The following SLC15A2 variants were observed in gnomAD, a reference collection of about 807,000 sequenced individuals.
The protein encoded by SLC15A2 is kidney H(+)/peptide cotransporter.
A neutral mutation model predicts 95.5 loss-of-function variants in SLC15A2; 77 were observed. The observed-to-expected ratio is 0.81, with a 90% confidence interval of 0.67 to 0.97. SLC15A2 has a LOEUF of 0.97. Ranked by LOEUF, SLC15A2 falls within the 50% of genes least tolerant of loss-of-function variation. The probability of loss-of-function intolerance (pLI) is 0.00; values close to 1 mark genes in which losing one functional copy is unlikely to be tolerated. For synonymous variants in SLC15A2, 306 were observed against 306.9 expected (o/e 1.00, Z 0.03); for missense variants, 893 against 874.4 (o/e 1.02, Z -0.27).
rs2293610 is a variant in SLC15A2, at chr3:121,925,113, A to G, written c.1124+80A>G. The stretch of plus-strand genomic sequence containing the variant: ...AGTTTGAAAAAGATTCAATGTCAGT[A>G]TTTTTCTTAGTGAGGATTGGTTTTA... On this transcript the variant is annotated intron_variant, in intron 13 of 21. Transcript: ENST00000489711. 8.7e-4 allele frequency: 869 copies of G among 996,026 alleles called. 8 individuals carry two copies. In the East Asian group the frequency reaches 0.016, roughly 19 times the overall value. The allele number at this position is 996,026 out of a possible 1,614,324, so 61.7% of individuals were successfully genotyped here.
intron 3 of SLC15A2, among the ~76,000 whole-genome samples, chr3:121,901,643 C>T (rs942992590): frequency 2.0e-5 from 3 of 151,356 alleles, no homozygotes; most frequent in African/African-American, 7.3e-5. Flanking sequence ...ATGATAACAG[C>T]AACAAAAGGG....
chr3:121,915,601 T>A lies in SLC15A2; in HGVS notation c.620-15T>A. 6.2e-7 allele frequency: 1 copy of A among 1,601,280 alleles called. No homozygotes were observed. Among genetic ancestry groups the A allele is most frequent in the East Asian group, 2.2e-5 (1 of 44,816 alleles). On this transcript the variant is annotated splice_polypyrimidine_tract_variant and intron_variant, in intron 6 of 21. Transcript: ENST00000489711. ...ACTCAGAGTTACTTTCCTCCTCCCATCCCATTTTCTTTAGGAGATGTGCAA... is the reference window on the plus strand; with the variant it reads ...ACTCAGAGTTACTTTCCTCCTCCCAACCCATTTTCTTTAGGAGATGTGCAA...
chr3:121,924,642 A>G (rs1710076692), intron 12 of SLC15A2, among the ~76,000 whole-genome samples: 1 of 152,208 alleles, frequency 6.6e-6, no homozygotes, highest in South Asian at 2.1e-4. Context: ...ATCTTGTAAA[A>G]GAAATTGTAA....
At chr3:121,930,408 T>C (rs1444167455) in intron 17 of SLC15A2, among the ~76,000 whole-genome samples, 1 of 152,218 alleles carries the variant, frequency 6.6e-6, no homozygotes, top group African/African-American at 2.4e-5. Context: ...GGATAAGATA[T>C]CAGTTTTATG....
chr3:121,930,843 T>G lies in SLC15A2; in HGVS notation c.1557T>G (p.Phe519Leu). 6.3e-7 allele frequency: 1 copy of G among 1,598,864 alleles called. No individual in the cohort carries two copies. Among genetic ancestry groups the G allele is most frequent in the Non-Finnish European group, 8.6e-7 (1 of 1,166,280 alleles). Residue 519 changes from phenylalanine (F) to leucine (L), a missense_variant, in exon 18 of 22, where the codon TTT becomes TTG. Coordinates refer to ENST00000489711, the MANE Select transcript of SLC15A2 (RefSeq NM_021082.4). The part of the protein sequence containing the change: ...RTTNGMTTVR[F>L]VNTLHKDVNI... ...TAAATAATATCTCTACCCTCAGGTTTGTTAACACTTTGCATAAAGATGTCA... is the reference window on the plus strand; with the variant it reads ...TAAATAATATCTCTACCCTCAGGTTGGTTAACACTTTGCATAAAGATGTCA...
Position 121,928,129 on chromosome 3 carries a change from C to G in SLC15A2, c.1206+290C>G, listed in dbSNP as rs3762822. On this transcript the variant is annotated intron_variant, in intron 14 of 21. Coordinates refer to ENST00000489711, the MANE Select transcript of SLC15A2 (RefSeq NM_021082.4). ...CACAGGCTTATGTGATGCCTTTCTA[C>G]ATACTCAAGTAAAAACCTTTTGGCA... Among the ~76,000 whole-genome samples, 67,870 of 152,078 alleles carry G rather than the reference C, an allele frequency of 0.45. 15,693 individuals are homozygous for G. The highest frequency in any genetic ancestry group is 0.69 in the East Asian group (3,597 of 5,186).
At chr3:121,920,362 C>G (rs1313013432) in intron 7 of SLC15A2, among the ~76,000 whole-genome samples, 1 of 152,258 alleles carries the variant, frequency 6.6e-6, no homozygotes, top group East Asian at 1.9e-4. Flanking sequence ...GTGGCGCAAT[C>G]TCAGCTCACT....
intron 5 of SLC15A2, among the ~76,000 whole-genome samples, chr3:121,914,685 G>A (rs551616641): frequency 1.3e-5 from 2 of 152,028 alleles, no homozygotes; most frequent in South Asian, 4.2e-4. Context: ...GGTGATTACA[G>A]AAATGAGTAA....
chr3:121,919,589 G>A (rs1175593669), intron 7 of SLC15A2, among the ~76,000 whole-genome samples: 2 of 152,094 alleles, frequency 1.3e-5, no homozygotes, highest in Non-Finnish European at 2.9e-5. Flanking sequence ...AGGATAAGAC[G>A]GAGATAGAAG....
At chr3:121,934,925 T>C (rs1710308509) in intron 19 of SLC15A2, among the ~76,000 whole-genome samples, 1 of 152,016 alleles carries the variant, frequency 6.6e-6, no homozygotes, top group Non-Finnish European at 1.5e-5. Context: ...CTTATTATTT[T>C]GAAATACATC....
rs1181572979 is a variant in SLC15A2 at position 121,923,246 on chromosome 3, A to G, written c.982A>G (p.Ile328Val). The G allele has an allele frequency of 6.2e-7, 1 of 1,613,900 alleles. No individual in the cohort carries two copies. Among genetic ancestry groups the G allele is most frequent in the Non-Finnish European group, 8.5e-7 (1 of 1,179,882 alleles). Residue 328 changes from isoleucine to valine, a missense_variant, in exon 11 of 22, where the codon ATC becomes GTC. Transcript: ENST00000489711. ...GGGTTCACGATGGACTTTGCAAGCC[A>G]TCAGGATGAATAGGAATTTGGTGAG... ...QQGSRWTLQA[I>V]RMNRNLGFFV...
intron 19 of SLC15A2, among the ~76,000 whole-genome samples, chr3:121,934,689 T>C (rs983443618): frequency 6.6e-5 from 10 of 152,228 alleles, no homozygotes; most frequent in African/African-American, 2.4e-4. Flanking sequence ...TTTCTAGATA[T>C]ACAATCATGT....
intron 14 of SLC15A2, chr3:121,928,205 C>T (rs562857311): frequency 2.4e-5 from 14 of 583,926 alleles, no homozygotes; most frequent in African/African-American, 3.7e-5. Context: ...CAAAAAGCAT[C>T]GAGTTTGTAA....
In SLC15A2 at chr3:121,894,540, G is replaced by T; in HGVS notation, c.64G>T (p.Val22Leu). ...TLFSPVSIEE[V>L]PPRPPSPPKK... ...TTTTTCACCTGTCTCCATTGAAGAG[G>T]TACCACCTCGACCACCTAGCCCTCC... Residue 22 changes from valine to leucine, a missense_variant, in exon 1 of 22, where the codon GTA becomes TTA. Transcript: ENST00000489711. 6.2e-7 allele frequency: 1 copy of T among 1,613,916 alleles called. No homozygotes were observed. The highest frequency in any genetic ancestry group is 1.1e-5 in the South Asian group (1 of 91,054).
chr3:121,921,840 A>C (rs1710010999), intron 7 of SLC15A2, among the ~76,000 whole-genome samples: 1 of 152,244 alleles, frequency 6.6e-6, no homozygotes, highest in African/African-American at 2.4e-5. Flanking sequence ...AAAGAGGACC[A>C]ATAAAACTTG....
At chr3:121,895,009 T>C (rs1182636475) in intron 1 of SLC15A2, among the ~76,000 whole-genome samples, 2 of 152,230 alleles carry the variant, frequency 1.3e-5, no homozygotes, top group South Asian at 2.1e-4. Context: ...ATCCAATTTC[T>C]GTTACTATGT....
intron 1 of SLC15A2, among the ~76,000 whole-genome samples, 190 bp from the exon 2 acceptor site, chr3:121,896,216 A>G (rs981760405): frequency 6.6e-6 from 1 of 152,250 alleles, no homozygotes; most frequent in Non-Finnish European, 1.5e-5. Flanking sequence ...AGTAGCTTCT[A>G]TTATTTCTAA....
Position 121,943,005 on chromosome 3 carries a change from C to T in SLC15A2, c.*1998C>T, listed in dbSNP as rs560519467. 6.6e-6 allele frequency: 1 copy of T among 152,284 alleles called. No homozygotes were observed. Among genetic ancestry groups the T allele is most frequent in the African/African-American group, 2.4e-5 (1 of 41,542 alleles). 9.4% of individuals were successfully genotyped at this position (152,284 alleles called of 1,614,324 possible). A position where few individuals can be genotyped will look rare whatever the true frequency, so the allele number is the denominator to read the frequency against. On this transcript the variant is annotated 3_prime_UTR_variant, in exon 22 of 22. Coordinates refer to ENST00000489711, the MANE Select transcript of SLC15A2 (RefSeq NM_021082.4). ...AGCCGGCCAGGCACAGTGGCTCATGCCTGTAATCCCAGCACTTTGGGAGGC... is the reference window on the plus strand; with the variant it reads ...AGCCGGCCAGGCACAGTGGCTCATGTCTGTAATCCCAGCACTTTGGGAGGC...
intron 1 of SLC15A2, among the ~76,000 whole-genome samples, chr3:121,895,124 C>T (rs1308032671): frequency 6.6e-6 from 1 of 152,142 alleles, no homozygotes; most frequent in Non-Finnish European, 1.5e-5. Flanking sequence ...TCAGTCAATT[C>T]TTACACTAAA....
Sources: allele counts gnomAD v4.1 joint callset (sites outside exome capture counted in the v4.1 genomes callset), GRCh38; gene constraint gnomAD v4.1.1; transcripts MANE v1.5; gene names NCBI Gene and HGNC (gene_info 2026-07-23, HGNC 2026-07-21).